The following ZNF804B variants were observed in gnomAD, a reference collection of about 807,000 sequenced individuals.
The protein encoded by ZNF804B is zinc finger 804B.
A neutral mutation model predicts 101.4 loss-of-function variants in ZNF804B; 80 were observed. That is an observed-to-expected ratio of 0.79 (90% CI 0.66 to 0.95). The LOEUF is 0.95. ZNF804B is among the 40% of genes least tolerant of loss of function. The probability of loss-of-function intolerance (pLI) is 0.00; values close to 1 mark genes in which losing one functional copy is unlikely to be tolerated. For missense variants in ZNF804B, 1,673 were observed against 1,561.9 expected (o/e 1.07, Z -1.20); for synonymous variants, 622 against 558.8 (o/e 1.11, Z -1.59).
intron 1 of ZNF804B, among the ~76,000 whole-genome samples, chr7:88,817,351 G>T (rs1197717664): frequency 2.6e-5 from 4 of 151,980 alleles, no homozygotes; most frequent in Non-Finnish European, 4.4e-5. Context: ...TGCACCTTGT[G>T]CACATGTACG....
chr7:89,198,756 G>A (rs1302887886), intron 1 of ZNF804B, among the ~76,000 whole-genome samples: 1 of 151,542 alleles, frequency 6.6e-6, no homozygotes, highest in African/African-American at 2.4e-5. Flanking sequence ...ACAAAAACAA[G>A]TACAGAAAAA....
intron 2 of ZNF804B, among the ~76,000 whole-genome samples, chr7:89,292,684 G>A (rs1431583384): frequency 6.7e-6 from 1 of 149,026 alleles, no homozygotes; most frequent in African/African-American, 2.5e-5. Context: ...TTAAAAAATG[G>A]CACTAGTGAA....
At chr7:89,067,830 T>TC (rs1474231939) in intron 1 of ZNF804B, among the ~76,000 whole-genome samples, 3 of 146,142 alleles carry the variant, frequency 2.1e-5, no homozygotes, top group African/African-American at 7.5e-5. Context: ...TTTCTTTTCT[T>TC]TTTTTTTTTT....
At chr7:88,996,778 G>C (rs138947436) in intron 1 of ZNF804B, among the ~76,000 whole-genome samples, 1,834 of 152,162 alleles carry the variant, frequency 0.012, 26 homozygotes, top group Middle Eastern at 0.051. Flanking sequence ...TTGACTAAAA[G>C]CAGCAAAGTA....
intron 1 of ZNF804B, among the ~76,000 whole-genome samples, chr7:89,180,774 G>T (rs1265408731): frequency 2.7e-5 from 4 of 150,810 alleles, no homozygotes; most frequent in Non-Finnish European, 5.9e-5. Context: ...GGCTGCCCTG[G>T]CTGGTGTCTC....
chr7:88,810,708 AT>A (rs1790772187), intron 1 of ZNF804B, among the ~76,000 whole-genome samples: 1 of 152,094 alleles, frequency 6.6e-6, no homozygotes, highest in African/African-American at 2.4e-5. Flanking sequence ...AGCGTAAACA[AT>A]AAAGCAATAG....
chr7:89,204,026 G>C (rs1007684431), intron 1 of ZNF804B, among the ~76,000 whole-genome samples: 8 of 152,126 alleles, frequency 5.3e-5, no homozygotes, highest in Non-Finnish European at 8.8e-5. Flanking sequence ...GCAGTGGCTA[G>C]ATCAGCATTG....
chr7:88,805,666 T>C (rs918179647), intron 1 of ZNF804B, among the ~76,000 whole-genome samples: 7 of 152,202 alleles, frequency 4.6e-5, no homozygotes, highest in Non-Finnish European at 8.8e-5. Context: ...GAGCACAGTG[T>C]TGATGGTGCC....
At chr7:88,906,514 A>C (rs1792473081) in intron 1 of ZNF804B, among the ~76,000 whole-genome samples, 1 of 152,138 alleles carries the variant, frequency 6.6e-6, no homozygotes, top group Non-Finnish European at 1.5e-5. Context: ...ATTCAGGAGC[A>C]AGTTGTTTAA....
At chr7:88,927,662 C>G (rs1403499110) in intron 1 of ZNF804B, among the ~76,000 whole-genome samples, 3 of 152,054 alleles carry the variant, frequency 2.0e-5, no homozygotes, top group Non-Finnish European at 4.4e-5. Flanking sequence ...CTTGTTCTCT[C>G]TTTGATCTAG....
At chr7:89,271,598 A>C (rs998950687) in intron 2 of ZNF804B, among the ~76,000 whole-genome samples, 2 of 152,132 alleles carry the variant, frequency 1.3e-5, no homozygotes, top group African/African-American at 4.8e-5. Flanking sequence ...TGAGTTAGGG[A>C]GGATTCCCTC....
intron 1 of ZNF804B, among the ~76,000 whole-genome samples, chr7:88,829,219 T>G (rs980512220): frequency 1.3e-5 from 2 of 152,068 alleles, no homozygotes; most frequent in African/African-American, 4.8e-5. Context: ...ACCTCCCAAG[T>G]AGCTGGGACT....
chr7:89,233,442 T>G (rs1027873344), intron 2 of ZNF804B, among the ~76,000 whole-genome samples: 3 of 152,176 alleles, frequency 2.0e-5, no homozygotes, highest in Non-Finnish European at 2.9e-5. Flanking sequence ...TTGATAAATA[T>G]TTTACAATCA....
chr7:89,100,309 A>G (rs1790035544), intron 1 of ZNF804B, among the ~76,000 whole-genome samples: 1 of 152,190 alleles, frequency 6.6e-6, no homozygotes, highest in Non-Finnish European at 1.5e-5. Context: ...TATAAAAATC[A>G]AATCAAAATG....
At chr7:89,017,482 A>G (rs1373481936) in intron 1 of ZNF804B, among the ~76,000 whole-genome samples, 4 of 152,148 alleles carry the variant, frequency 2.6e-5, no homozygotes, top group Non-Finnish European at 4.4e-5. Context: ...TGTCATCAGA[A>G]TTGCTTTGGC....
chr7:88,965,957 G>A (rs1371867980), intron 1 of ZNF804B, among the ~76,000 whole-genome samples: 1 of 151,404 alleles, frequency 6.6e-6, no homozygotes, highest in African/African-American at 2.4e-5. Context: ...CAAGCAAAAA[G>A]TCCTAAGTTT....
At chr7:88,943,218 T>C (rs1793079789) in intron 1 of ZNF804B, among the ~76,000 whole-genome samples, 1 of 151,954 alleles carries the variant, frequency 6.6e-6, no homozygotes, top group African/African-American at 2.4e-5. Context: ...TTCTCTATTT[T>C]ATGTATTAAT....
intron 1 of ZNF804B, among the ~76,000 whole-genome samples, chr7:88,910,831 T>C (rs10243541): frequency 0.018 from 2,756 of 152,060 alleles, 59 homozygotes; most frequent in African/African-American, 0.047. Context: ...CATCTAGTAA[T>C]GTTATCAGTA....
At chr7:89,258,992 T>A (rs1789674366) in intron 2 of ZNF804B, among the ~76,000 whole-genome samples, 1 of 152,084 alleles carries the variant, frequency 6.6e-6, no homozygotes, top group Non-Finnish European at 1.5e-5. Flanking sequence ...TTTTTTTGCT[T>A]TTTCATTTCT....
Sources: gnomAD v4.1 joint callset for allele counts (sites outside exome capture counted in the v4.1 genomes callset) on GRCh38, gnomAD v4.1.1 for gene constraint, MANE v1.5 for transcripts, NCBI Gene and HGNC (gene_info 2026-07-23, HGNC 2026-07-21) for gene names.